Variants in PRRG1 observed in about 807,000 individuals in gnomAD.
PRRG1 encodes transmembrane gamma-carboxyglutamic acid protein 1.
Under a neutral mutation model 11.8 loss-of-function variants are expected in PRRG1, and 5 were observed. The observed-to-expected ratio is 0.42, with a 90% CI of 0.22 to 0.89. The LOEUF (loss-of-function observed/expected upper bound fraction) is 0.89, where lower values mean the gene tolerates loss of function less well. Among genes scored for constraint, PRRG1 ranks in the 40% least tolerant of loss-of-function variants. The pLI is 0.28. For synonymous variants in PRRG1, 66 were observed against 60.4 expected (o/e 1.09, Z -0.43); for missense variants, 155 against 166.1 (o/e 0.93, Z 0.37).
chrX:37,438,187 G>A (rs1313031366), intron 3 of PRRG1, among the ~76,000 whole-genome samples: 1 of 110,301 alleles, frequency 9.1e-6, no homozygotes, highest in Non-Finnish European at 1.9e-5. Context: ...ACTCAGCCTG[G>A]GTGACAGAGC....
At chrX:37,391,270 A>G (rs1556376589) in intron 1 of PRRG1, among the ~76,000 whole-genome samples, 1 of 111,668 alleles carries the variant, frequency 9.0e-6, no homozygotes, top group African/African-American at 3.3e-5. Context: ...TAAAAGACAG[A>G]AAAACTTATT....
Position 37,422,276 on chromosome X carries a change from C to T in PRRG1, c.11-3564C>T, listed in dbSNP as rs185247120. 1.9e-3 allele frequency among the ~76,000 whole-genome samples: 211 copies of T among 111,384 alleles called. 1 individual carries two copies. Among genetic ancestry groups the T allele is most frequent in the Non-Finnish European group, 3.4e-3 (182 of 52,957 alleles). The stretch of plus-strand genomic sequence containing the variant: ...ATCTTCAGAAAAACTGATTCGAAAC[C>T]CAGGGATATCTTAGACCACATTAAC... On this transcript the variant is annotated intron_variant, in intron 2 of 3. Transcript: ENST00000378628.
chrX:37,382,235 C>T (rs188311837), intron 1 of PRRG1, among the ~76,000 whole-genome samples: 1 of 111,461 alleles, frequency 9.0e-6, no homozygotes, highest in Admixed American at 9.5e-5. Flanking sequence ...TATTAAGAGG[C>T]AGGCTGGTTA....
intron 3 of PRRG1, among the ~76,000 whole-genome samples, chrX:37,439,870 G>A (rs1308631368): frequency 1.0e-5 from 1 of 99,199 alleles, no homozygotes; most frequent in Non-Finnish European, 2.0e-5. Context: ...TGCAATGTCA[G>A]CTCACTGCAG....
chrX:37,369,447 T>C (rs1321187465), intron 1 of PRRG1, among the ~76,000 whole-genome samples: 1 of 112,210 alleles, frequency 8.9e-6, no homozygotes, highest in Non-Finnish European at 1.9e-5. Flanking sequence ...TGTTAACATA[T>C]ATGCATTACC....
intron 2 of PRRG1, among the ~76,000 whole-genome samples, chrX:37,416,512 T>TA (rs1451426183): frequency 8.9e-6 from 1 of 112,029 alleles, no homozygotes; most frequent in Non-Finnish European, 1.9e-5. Flanking sequence ...AAGGAAATCA[T>TA]ACGGTTGTAA....
chrX:37,430,699 C>A (rs782069739), intron 3 of PRRG1, among the ~76,000 whole-genome samples: 1 of 111,332 alleles, frequency 9.0e-6, no homozygotes, highest in African/African-American at 3.3e-5. Context: ...TCCCATGCAG[C>A]CTTTACTCAG....
intron 2 of PRRG1, among the ~76,000 whole-genome samples, chrX:37,424,008 G>A (rs1932733980): frequency 9.0e-6 from 1 of 111,286 alleles, no homozygotes; most frequent in Non-Finnish European, 1.9e-5. Context: ...AGGACCAATA[G>A]GCTATATCAT....
chrX:37,422,889 A>G (rs782256331), intron 2 of PRRG1, among the ~76,000 whole-genome samples: 4 of 111,798 alleles, frequency 3.6e-5, no homozygotes, highest in African/African-American at 1.3e-4. Context: ...ACATACAATT[A>G]TATATATTGT....
rs1245177497 is a variant in PRRG1, at chrX:37,457,010, AATG to A, written c.*3392_*3394del. On this transcript the variant is annotated 3_prime_UTR_variant, in exon 4 of 4. Transcript: ENST00000378628. ...AATTATACTTCCTTAAAGTAAATGT[AATG>A]ATTTCTTCTTTTCCTATTGACCAGT... 1 of 112,156 alleles carries A rather than the reference AATG, an allele frequency of 8.9e-6. No individual in the cohort carries two copies. The highest frequency in any genetic ancestry group is 1.9e-5 in the Non-Finnish European group (1 of 53,240). 9.2% of individuals were successfully genotyped at this position (112,156 alleles called of 1,213,427 possible). A position where few individuals can be genotyped will look rare whatever the true frequency, so the allele number is the denominator to read the frequency against.
intron 3 of PRRG1, among the ~76,000 whole-genome samples, chrX:37,426,551 A>C (rs1473322019): frequency 1.8e-5 from 2 of 111,902 alleles, no homozygotes; most frequent in Non-Finnish European, 3.8e-5. Flanking sequence ...TACCAGAGGT[A>C]GCCATTGTAT....
At chrX:37,393,322 T>C (rs1931604687) in intron 1 of PRRG1, among the ~76,000 whole-genome samples, 2 of 109,018 alleles carry the variant, frequency 1.8e-5, no homozygotes, top group South Asian at 7.4e-4. Context: ...TTTTATATTA[T>C]ATTTAATATT....
intron 1 of PRRG1, among the ~76,000 whole-genome samples, chrX:37,387,469 G>A (rs1026614324): frequency 1.8e-5 from 2 of 111,812 alleles, no homozygotes; most frequent in African/African-American, 6.5e-5. Context: ...TAGCTTTTGG[G>A]AAGGCCTCAG....
chrX:37,453,259 T>C lies in PRRG1; in HGVS notation c.295T>C (p.Phe99Leu). 1 of 1,211,128 alleles carries C rather than the reference T, an allele frequency of 8.3e-7. No homozygotes were observed. Among genetic ancestry groups the C allele is most frequent in the Non-Finnish European group, 1.1e-6 (1 of 895,089 alleles). Residue 99 changes from phenylalanine (F) to leucine (L), a missense_variant, in exon 4 of 4, where the codon TTC becomes CTC. Transcript: ENST00000378628. ...CCTCTTCATTATCCTCCTTGTCATT[T>C]TCCTAATCTGGAGATGCTTCCTAAG... ...FGLFIILLVI[F>L]LIWRCFLRNK... is the part of the protein sequence containing the mutation.
At chrX:37,398,874 G>A (rs1390352464) in intron 1 of PRRG1, among the ~76,000 whole-genome samples, 1 of 111,067 alleles carries the variant, frequency 9.0e-6, no homozygotes, top group Admixed American at 9.5e-5. Context: ...TGGAAGAAAG[G>A]GTATCAGTGA....
intron 3 of PRRG1, among the ~76,000 whole-genome samples, chrX:37,449,985 CT>C (rs1556396119): frequency 8.9e-6 from 1 of 112,686 alleles, no homozygotes; most frequent in Non-Finnish European, 1.9e-5. Context: ...TTCTGACCCT[CT>C]GGCCTAAAGG....
intron 2 of PRRG1, among the ~76,000 whole-genome samples, chrX:37,417,379 T>TA (rs1214356807): frequency 9.0e-6 from 1 of 111,618 alleles, no homozygotes; most frequent in African/African-American, 3.2e-5. Context: ...TGTGTAAACA[T>TA]ATACTATATG....
At chrX:37,407,095 G>A (rs942772048) in intron 2 of PRRG1, among the ~76,000 whole-genome samples, 5 of 111,627 alleles carry the variant, frequency 4.5e-5, no homozygotes, top group Non-Finnish European at 9.4e-5. Context: ...TGATTGATCC[G>A]GGTGGTCCTT....
intron 3 of PRRG1, among the ~76,000 whole-genome samples, chrX:37,432,337 T>C (rs184944998): frequency 0.012 from 1,285 of 111,054 alleles, 12 homozygotes; most frequent in Middle Eastern, 0.019. Flanking sequence ...CCGCCCGCCT[T>C]GGCCTCCCAA....
Sources: gnomAD v4.1 joint callset for allele counts (sites outside exome capture counted in the v4.1 genomes callset) on GRCh38, gnomAD v4.1.1 for gene constraint, MANE v1.5 for transcripts, NCBI Gene and HGNC (gene_info 2026-07-23, HGNC 2026-07-21) for gene names.